MPP7: variants seen among roughly 807,000 people sequenced by gnomAD.
MPP7 encodes the protein MAGUK p55 scaffold protein 7.
A neutral mutation model predicts 76.5 loss-of-function variants in MPP7; 60 were observed. The observed-to-expected ratio is 0.78, with a 90% CI of 0.64 to 0.97. MPP7 has a LOEUF of 0.97. Ranked by LOEUF, MPP7 falls within the 50% of genes least tolerant of loss-of-function variation. MPP7 has a pLI of 0.00. For synonymous variants in MPP7, 237 were observed against 244.5 expected, an observed-to-expected ratio of 0.97 and a Z score of 0.29; for missense variants, 641 against 694.0, an observed-to-expected ratio of 0.92 and a Z score of 0.86.
intron 2 of MPP7, among the ~76,000 whole-genome samples, chr10:28,323,022 C>T (rs1403875203): frequency 6.6e-6 from 1 of 152,136 alleles, no homozygotes; most frequent in Non-Finnish European, 1.5e-5. Context: ...CACGGTGGCT[C>T]ACACCTGTAA....
At chr10:28,243,739 T>C (rs1005718771) in intron 1 of MPP7, among the ~76,000 whole-genome samples, 1 of 152,094 alleles carries the variant, frequency 6.6e-6, no homozygotes, top group African/African-American at 2.4e-5. Flanking sequence ...AACCGGAACA[T>C]ACAGCAACAA....
chr10:28,061,164 A>C (rs78238318), intron 13 of MPP7, among the ~76,000 whole-genome samples: 6,744 of 152,178 alleles, frequency 0.044, 469 homozygotes, highest in African/African-American at 0.15. Flanking sequence ...AAAAACAAAA[A>C]AAAACAAAAC....
intron 8 of MPP7, 111 bp from the exon 9 acceptor site, chr10:28,120,779 C>T (rs1369142769): frequency 1.3e-6 from 1 of 743,572 alleles, no homozygotes; most frequent in Non-Finnish European, 2.2e-6. Flanking sequence ...GGGGCTTCTA[C>T]TCTTAGATAG....
chr10:28,178,527 T>C (rs1357048395), intron 3 of MPP7, among the ~76,000 whole-genome samples: 1 of 151,886 alleles, frequency 6.6e-6, no homozygotes, highest in Non-Finnish European at 1.5e-5. Context: ...GAAACCATTC[T>C]ACTGAATACT....
chr10:28,195,693 A>G (rs933963275), intron 3 of MPP7, among the ~76,000 whole-genome samples: 5 of 152,226 alleles, frequency 3.3e-5, no homozygotes, highest in Admixed American at 6.5e-5. Flanking sequence ...ATACATAGAG[A>G]CAGAAAGTAG....
chr10:28,126,716 T>C (rs971974339), intron 6 of MPP7, among the ~76,000 whole-genome samples: 3 of 152,202 alleles, frequency 2.0e-5, no homozygotes, highest in Non-Finnish European at 2.9e-5. Flanking sequence ...TGTATGTGCA[T>C]GCCATATTCC....
intron 13 of MPP7, among the ~76,000 whole-genome samples, chr10:28,065,272 A>ATGT (rs1851944661): frequency 6.6e-6 from 1 of 152,170 alleles, no homozygotes; most frequent in African/African-American, 2.4e-5. Flanking sequence ...GGGTTAAAAT[A>ATGT]CTTTTAGAAC....
At chr10:28,109,863 A>AAAAAAAAAAAAAAAAAAT (rs1834445245) in intron 11 of MPP7, among the ~76,000 whole-genome samples, 2 of 149,478 alleles carry the variant, frequency 1.3e-5, no homozygotes, top group African/African-American at 2.5e-5. Flanking sequence ...AAAAAAAAAA[A>AAAAAAAAAAAAAAAAAAT]AAAAAAAAAA....
chr10:28,087,110 G>A (rs116114578), intron 12 of MPP7, among the ~76,000 whole-genome samples: 1,935 of 152,254 alleles, frequency 0.013, 52 homozygotes, highest in African/African-American at 0.044. Context: ...CCTCCCTGGC[G>A]TGAGGCAGTG....
rs752728147 is a variant in MPP7, at chr10:28,202,180, A to C, written c.129T>G (p.Gly43=). ...TTACCAATGAATGCAGGCTTTTTTCACCAAACATATCCCAGAGGAAGGTCA... is the reference window on the plus strand; with the variant it reads ...TTACCAATGAATGCAGGCTTTTTTCCCCAAACATATCCCAGAGGAAGGTCA... ...EDLTFLWDMF[G]EKSLHSLVKI... The change falls in exon 3 of 17, where the codon GGT becomes GGG. Residue 43 remains glycine, a synonymous_variant. Coordinates refer to ENST00000683449, the MANE Select transcript of MPP7 (RefSeq NM_001318170.2). 45 of 1,613,374 alleles carry C rather than the reference A, an allele frequency of 2.8e-5. No homozygotes were observed. The highest frequency in any genetic ancestry group is 6.7e-5 in the Admixed American group (4 of 59,942).
intron 11 of MPP7, among the ~76,000 whole-genome samples, chr10:28,092,577 C>CTTTTT (rs397969009): frequency 8.3e-6 from 1 of 121,110 alleles, no homozygotes; most frequent in Non-Finnish European, 1.6e-5. Flanking sequence ...GAAAAGGGAC[C>CTTTTT]TTTTTTTTTT....
chr10:28,152,865 C>A (rs1163489711), intron 3 of MPP7, among the ~76,000 whole-genome samples: 6 of 152,098 alleles, frequency 3.9e-5, no homozygotes, highest in Admixed American at 3.9e-4. Context: ...AATGAGCAAT[C>A]TAGCATCAAT....
Position 28,211,518 on chromosome 10 carries a change from A to C in MPP7, c.38-9247T>G, listed in dbSNP as rs368931004. ...AAGTCATGTTTTCTATCAGAATATT[A>C]TCTTTATATAAGATATATATAACTA... On this transcript the variant is annotated intron_variant, in intron 2 of 16. Coordinates refer to ENST00000683449, the MANE Select transcript of MPP7 (RefSeq NM_001318170.2). Among the ~76,000 whole-genome samples, 17 of 152,164 alleles carry C rather than the reference A, an allele frequency of 1.1e-4. No individual in the cohort carries two copies. The East Asian group carries it at 2.3e-3, about 21-fold the overall frequency.
intron 11 of MPP7, among the ~76,000 whole-genome samples, chr10:28,115,401 C>T (rs1834636212): frequency 6.6e-6 from 1 of 152,098 alleles, no homozygotes; most frequent in Non-Finnish European, 1.5e-5. Context: ...CTGTGCCCGG[C>T]CAATGTTAGG....
At chr10:28,122,722 T>A (rs1354244829) in intron 8 of MPP7, among the ~76,000 whole-genome samples, 1 of 152,186 alleles carries the variant, frequency 6.6e-6, no homozygotes, top group African/African-American at 2.4e-5. Context: ...GTTTTTCTTA[T>A]TGATTTTTAT....
chr10:28,102,750 T>G (rs1322679745), intron 11 of MPP7, among the ~76,000 whole-genome samples: 1 of 152,186 alleles, frequency 6.6e-6, no homozygotes. Flanking sequence ...CATCAAAATA[T>G]ATCCAGAATG....
intron 3 of MPP7, among the ~76,000 whole-genome samples, chr10:28,163,965 G>A (rs981218902): frequency 2.0e-5 from 3 of 150,240 alleles, no homozygotes; most frequent in East Asian, 1.9e-4. Context: ...CCAGAGGAAC[G>A]ATGCTGCCAT....
At chr10:28,130,431 A>G (rs766378169) in intron 6 of MPP7, among the ~76,000 whole-genome samples, 6 of 152,192 alleles carry the variant, frequency 3.9e-5, no homozygotes, top group Non-Finnish European at 7.4e-5. Context: ...ATGGATCCCA[A>G]TAAACAAAAT....
chr10:28,327,122 A>G (rs1148181), intron 2 of MPP7, among the ~76,000 whole-genome samples: 37,318 of 151,778 alleles, frequency 0.25, 6,047 homozygotes, highest in African/African-American at 0.46. Context: ...AAGGGAAACC[A>G]GATGGCTCTA....
Sources: allele counts gnomAD v4.1 joint callset (sites outside exome capture counted in the v4.1 genomes callset), GRCh38; gene constraint gnomAD v4.1.1; transcripts MANE v1.5; gene names NCBI Gene and HGNC (gene_info 2026-07-23, HGNC 2026-07-21).